ELF2: variants seen among roughly 807,000 people sequenced by gnomAD.
The protein encoded by ELF2 is ETS-related transcription factor Elf-2.
Under a neutral mutation model 54.8 loss-of-function variants are expected in ELF2, and 11 were observed. The ratio of observed to expected loss-of-function variants is 0.20; its 90% CI spans 0.13 to 0.33. The LOEUF (loss-of-function observed/expected upper bound fraction) is 0.33, where lower values mean the gene tolerates loss of function less well. ELF2 is among the 10% of genes least tolerant of loss of function. The pLI is 1.00. For missense variants in ELF2, 513 were observed against 703.0 expected (o/e 0.73, Z 3.06); for synonymous variants, 203 against 245.1 (o/e 0.83, Z 1.61).
intron 5 of ELF2, among the ~76,000 whole-genome samples, chr4:139,072,393 TTAA>T (rs1426043291): frequency 1.3e-5 from 2 of 152,172 alleles, no homozygotes; most frequent in African/African-American, 2.4e-5. Flanking sequence ...AGTGAGTTAG[TTAA>T]TAATTACTTT....
chr4:139,115,118 G>A, intron 4 of ELF2: 1 of 1,613,816 alleles, frequency 6.2e-7, no homozygotes, highest in Non-Finnish European at 8.5e-7. Flanking sequence ...TCCTCTTCCT[G>A]GCAGTCGTAG....
intron 6 of ELF2, 54 bp downstream of exon 6, chr4:139,071,812 A>C: frequency 6.6e-7 from 1 of 1,516,018 alleles, no homozygotes; most frequent in Non-Finnish European, 8.8e-7. Context: ...ATGAGGAAAA[A>C]GATAAGAGAA....
At chr4:139,093,304 C>A (rs957305791) in intron 4 of ELF2, among the ~76,000 whole-genome samples, 1 of 152,194 alleles carries the variant, frequency 6.6e-6, no homozygotes, top group Non-Finnish European at 1.5e-5. Flanking sequence ...ACAAAACCTT[C>A]CCTCCACAAA....
intron 6 of ELF2, among the ~76,000 whole-genome samples, chr4:139,068,002 A>G (rs1000922738): frequency 2.0e-5 from 3 of 151,910 alleles, no homozygotes; most frequent in African/African-American, 7.3e-5. Flanking sequence ...CGATTGCCAT[A>G]TACATTGGTC....
intron 4 of ELF2, among the ~76,000 whole-genome samples, chr4:139,099,055 G>A (rs1175822884): frequency 2.6e-5 from 4 of 152,132 alleles, no homozygotes; most frequent in South Asian, 2.1e-4. Flanking sequence ...CGTCTTCTAT[G>A]TTCTGGATGT....
chr4:139,161,619 T>C (rs1217491473), intron 1 of ELF2, among the ~76,000 whole-genome samples: 3 of 132,602 alleles, frequency 2.3e-5, no homozygotes, highest in Non-Finnish European at 4.6e-5. Context: ...GTCTAATATC[T>C]CAGTTCTCAC....
intron 1 of ELF2, among the ~76,000 whole-genome samples, chr4:139,165,590 G>A (rs1291901417): frequency 6.6e-6 from 1 of 152,140 alleles, no homozygotes; most frequent in Non-Finnish European, 1.5e-5. Context: ...TTGAATCCCA[G>A]AGGCAGAGGT....
In ELF2 at chr4:139,058,338, GA is replaced by G. The variant is rs1382188947; in HGVS notation, c.*644del. The stretch of plus-strand genomic sequence containing the variant: ...CAAGCCATTAGCTTATTTCAAGAAA[GA>G]AAATCGAAAATTAGTCTAAGGCCTT... On this transcript the variant is annotated 3_prime_UTR_variant, in exon 10 of 10. Transcript: ENST00000686138. 3.3e-5 allele frequency: 5 copies of G among 150,402 alleles called. No individual in the cohort carries two copies. In the East Asian group the frequency reaches 9.7e-4, roughly 29 times the overall value. 9.3% of individuals were successfully genotyped at this position (150,402 alleles called of 1,614,324 possible).
chr4:139,078,900 T>C (rs1227078470), intron 4 of ELF2, among the ~76,000 whole-genome samples: 1 of 152,154 alleles, frequency 6.6e-6, no homozygotes, highest in Non-Finnish European at 1.5e-5. Flanking sequence ...AATACACCCA[T>C]TACTGCAACC....
At chr4:139,106,981 G>T (rs1328766056) in intron 4 of ELF2, among the ~76,000 whole-genome samples, 1 of 151,836 alleles carries the variant, frequency 6.6e-6, no homozygotes, top group Non-Finnish European at 1.5e-5. Context: ...CCTGACCTCA[G>T]GTGTTTCACC....
chr4:139,151,520 TA>T (rs1349741143), intron 1 of ELF2, among the ~76,000 whole-genome samples: 1 of 152,114 alleles, frequency 6.6e-6, no homozygotes, highest in African/African-American at 2.4e-5. Flanking sequence ...CCCACATGGG[TA>T]AATCTGATGC....
At chr4:139,156,475 G>A (rs1740552258) in intron 1 of ELF2, among the ~76,000 whole-genome samples, 2 of 151,370 alleles carry the variant, frequency 1.3e-5, no homozygotes, top group Non-Finnish European at 2.9e-5. Context: ...CACCATGCCC[G>A]GCCAAACTTA....
At chr4:139,063,662 C>CA (rs1728223546) in intron 7 of ELF2, among the ~76,000 whole-genome samples, 1 of 152,046 alleles carries the variant, frequency 6.6e-6, no homozygotes, top group African/African-American at 2.4e-5. Context: ...AACAACAATG[C>CA]AAGAAATAAA....
intron 1 of ELF2, among the ~76,000 whole-genome samples, chr4:139,163,303 AG>A (rs1409635209): frequency 6.6e-6 from 1 of 152,134 alleles, no homozygotes. Flanking sequence ...TTGAGAAAAA[AG>A]AATAACTGTA....
At chr4:139,140,378 C>T (rs1738589549) in intron 1 of ELF2, among the ~76,000 whole-genome samples, 1 of 152,140 alleles carries the variant, frequency 6.6e-6, no homozygotes, top group East Asian at 1.9e-4. Flanking sequence ...TCAATTATTC[C>T]CTTTTTCCTT....
At chr4:139,151,059 A>AG (rs1371956975) in intron 1 of ELF2, among the ~76,000 whole-genome samples, 13 of 127,084 alleles carry the variant, frequency 1.0e-4, no homozygotes, top group African/African-American at 3.5e-4. Flanking sequence ...AAAGAAAGAA[A>AG]GAAAGAAAGA....
intron 4 of ELF2, among the ~76,000 whole-genome samples, chr4:139,092,117 T>A (rs192404633): frequency 2.0e-3 from 296 of 151,578 alleles, no homozygotes; most frequent in Non-Finnish European, 2.9e-3. Context: ...ATCCCAGCAC[T>A]TTGGGAGGGC....
chr4:139,118,782 A>C (rs1736020039), intron 4 of ELF2, among the ~76,000 whole-genome samples: 1 of 152,192 alleles, frequency 6.6e-6, no homozygotes, highest in Non-Finnish European at 1.5e-5. Flanking sequence ...AGTCCTGTCT[A>C]TACTTGAAGT....
intron 4 of ELF2, among the ~76,000 whole-genome samples, chr4:139,096,673 T>C (rs1307199591): frequency 6.7e-6 from 1 of 150,258 alleles, no homozygotes; most frequent in Non-Finnish European, 1.5e-5. Context: ...GGTCTCACCA[T>C]GTTGCAGGCT....
Sources: gnomAD v4.1 joint callset for allele counts (sites outside exome capture counted in the v4.1 genomes callset) on GRCh38, gnomAD v4.1.1 for gene constraint, MANE v1.5 for transcripts, NCBI Gene and HGNC (gene_info 2026-07-23, HGNC 2026-07-21) for gene names.